Variants in PARP8 observed in about 807,000 individuals in gnomAD.
PARP8 encodes poly(ADP-ribose) polymerase family member 8, also known as protein mono-ADP-ribosyltransferase PARP8.
Under a neutral mutation model 124.1 loss-of-function variants are expected in PARP8, and 51 were observed. That is an observed-to-expected ratio of 0.41 (90% CI 0.33 to 0.52). The LOEUF (loss-of-function observed/expected upper bound fraction) is 0.52. Among genes scored for constraint, PARP8 ranks in the 20% least tolerant of loss-of-function variants. The pLI is 0.21. For missense variants in PARP8, 860 were observed against 1,018.9 expected, an observed-to-expected ratio of 0.84 and a Z score of 2.12; for synonymous variants, 391 against 361.5, an observed-to-expected ratio of 1.08 and a Z score of -0.93.
Position 50,815,605 on chromosome 5 carries a change from T to C in PARP8, c.1668+81T>C, listed in dbSNP as rs567766107. On this transcript the variant is annotated intron_variant, in intron 15 of 25. Coordinates refer to ENST00000281631, the MANE Select transcript of PARP8 (RefSeq NM_024615.4). ...TCCACTAGTTATCTTCATTCTGCTA[T>C]TCTTTGGGGAAAATATTTGATAACT... is the stretch of plus-strand genomic sequence containing the variant. 5.2e-6 allele frequency: 5 copies of C among 957,116 alleles called. No homozygotes were observed. The African/African-American group carries it at 8.7e-5, about 17-fold the overall frequency. 59.3% of individuals were successfully genotyped at this position (957,116 alleles called of 1,614,324 possible).
At chr5:50,709,779 A>G (rs1754530656) in intron 2 of PARP8, among the ~76,000 whole-genome samples, 1 of 151,402 alleles carries the variant, frequency 6.6e-6, no homozygotes, top group South Asian at 2.1e-4. Flanking sequence ...GAAAAAGACC[A>G]AGGAACCAAA....
chr5:50,739,735 T>A (rs1245122048), intron 2 of PARP8, among the ~76,000 whole-genome samples: 262 of 122,050 alleles, frequency 2.1e-3, no homozygotes, highest in African/African-American at 8.2e-3. Context: ...TATATATATT[T>A]TTTTTTTTTT....
intron 2 of PARP8, among the ~76,000 whole-genome samples, chr5:50,743,147 A>C: frequency 6.6e-6 from 1 of 152,150 alleles, no homozygotes; most frequent in Non-Finnish European, 1.5e-5. Flanking sequence ...AGCTAGTGGT[A>C]GGGAAAACGA....
chr5:50,749,274 G>T (rs1758958053), intron 2 of PARP8, among the ~76,000 whole-genome samples: 1 of 152,082 alleles, frequency 6.6e-6, no homozygotes, highest in Non-Finnish European at 1.5e-5. Context: ...CAGATAATTG[G>T]CTGAACACAA....
chr5:50,700,374 A>C (rs1753468046), intron 2 of PARP8, among the ~76,000 whole-genome samples: 1 of 152,202 alleles, frequency 6.6e-6, no homozygotes, highest in African/African-American at 2.4e-5. Context: ...CTTCATTCAC[A>C]GTTGGGAGAC....
rs532601415 is a variant in PARP8, at chr5:50,786,978, A to G, written c.671-1545A>G. ...CAAATAAGCATCTTAAATTTAAAGT[A>G]TTTGGTCAAATAACTAGTCTTATCT... On this transcript the variant is annotated intron_variant, in intron 9 of 25. Coordinates refer to ENST00000281631, the MANE Select transcript of PARP8 (RefSeq NM_024615.4). Among the ~76,000 whole-genome samples the G allele has an allele frequency of 5.6e-4, 85 of 152,264 alleles. 1 individual carries two copies. Among genetic ancestry groups the G allele is most frequent in the African/African-American group, 2.0e-3 (84 of 41,546 alleles).
At chr5:50,673,126 G>C (rs1750229011) in intron 2 of PARP8, among the ~76,000 whole-genome samples, 1 of 152,144 alleles carries the variant, frequency 6.6e-6, no homozygotes, top group Admixed American at 6.5e-5. Context: ...TTAAAAGTGT[G>C]TTCCTTGGAG....
intron 1 of PARP8, chr5:50,667,519 A>T: frequency 2.9e-6 from 2 of 697,174 alleles, no homozygotes; most frequent in Non-Finnish European, 5.2e-6. Context: ...GGGTTCCAGC[A>T]GCGGCGGCAG....
chr5:50,730,542 G>A (rs1295331225), intron 2 of PARP8, among the ~76,000 whole-genome samples: 3 of 152,150 alleles, frequency 2.0e-5, no homozygotes, highest in African/African-American at 7.2e-5. Flanking sequence ...CTCCCACCGG[G>A]TCCCTCCTAT....
At chr5:50,803,162 T>A (rs1360746484) in intron 14 of PARP8, among the ~76,000 whole-genome samples, 1 of 152,218 alleles carries the variant, frequency 6.6e-6, no homozygotes, top group Non-Finnish European at 1.5e-5. Flanking sequence ...TCCTGCTGCC[T>A]TTGGGTATTT....
chr5:50,789,877 G>T (rs780685116), intron 10 of PARP8, among the ~76,000 whole-genome samples: 2 of 152,140 alleles, frequency 1.3e-5, no homozygotes, highest in African/African-American at 4.8e-5. Context: ...GGCATCATAT[G>T]TGGGCTTCTA....
intron 15 of PARP8, among the ~76,000 whole-genome samples, chr5:50,816,753 A>G (rs1745148980): frequency 6.6e-6 from 1 of 152,180 alleles, no homozygotes; most frequent in African/African-American, 2.4e-5. Context: ...GGTTCTGAGC[A>G]TCCCTATAAC....
At chr5:50,780,235 G>A (rs113883525) in intron 9 of PARP8, among the ~76,000 whole-genome samples, 2,372 of 152,314 alleles carry the variant, frequency 0.016, 66 homozygotes, top group African/African-American at 0.055. Context: ...TCAGCCCATA[G>A]TTGTATGTGT....
chr5:50,761,394 A>G (rs1339250143), intron 5 of PARP8, among the ~76,000 whole-genome samples: 1 of 152,094 alleles, frequency 6.6e-6, no homozygotes, highest in African/African-American at 2.4e-5. Flanking sequence ...ATATTATTGC[A>G]TTTAAAGTTT....
intron 2 of PARP8, among the ~76,000 whole-genome samples, chr5:50,716,498 AG>A (rs1255452800): frequency 1.3e-5 from 2 of 152,118 alleles, no homozygotes; most frequent in Non-Finnish European, 2.9e-5. Flanking sequence ...GGGTAAAAAC[AG>A]AGGGGATTTC....
intron 17 of PARP8, 30 bp downstream of exon 17, chr5:50,822,430 T>C (rs1411155104): frequency 2.6e-6 from 4 of 1,523,434 alleles, no homozygotes; most frequent in Non-Finnish European, 3.6e-6. Context: ...TTGTACAGTA[T>C]ATTTTTAAAA....
intron 2 of PARP8, among the ~76,000 whole-genome samples, chr5:50,718,530 GT>G (rs1054732929): frequency 6.6e-6 from 1 of 151,380 alleles, no homozygotes; most frequent in African/African-American, 2.4e-5. Context: ...ATTTGGTTCA[GT>G]TTTTTTTCAG....
intron 15 of PARP8, among the ~76,000 whole-genome samples, chr5:50,819,481 C>T (rs575535544): frequency 4.4e-4 from 55 of 125,288 alleles, no homozygotes; most frequent in Middle Eastern, 6.6e-3. Context: ...GCTCTTGTCA[C>T]CCAGGCTGGA....
chr5:50,833,981 A>G lies in PARP8; in HGVS notation c.2310A>G (p.Ser770=), dbSNP rs1369993835. 6.2e-6 allele frequency: 10 copies of G among 1,611,648 alleles called. No individual in the cohort carries two copies. The highest frequency in any genetic ancestry group is 1.3e-5 in the African/African-American group (1 of 74,914). The change falls in exon 24 of 26, where the codon TCA becomes TCG. Residue 770 remains serine (S), a splice_region_variant and synonymous_variant. Transcript: ENST00000281631. ...TTTTAATTGTTTTTGGAATTTAGTC[A>G]CAGAAAAAAGGACAGCAATCCCAAT... ...SSSKSSNTSQ[S]QKKGQQSQFL...
Sources: allele counts gnomAD v4.1 joint callset (sites outside exome capture counted in the v4.1 genomes callset), GRCh38; gene constraint gnomAD v4.1.1; transcripts MANE v1.5; gene names NCBI Gene and HGNC (gene_info 2026-07-23, HGNC 2026-07-21).